The following EPB41L4A variants were observed in gnomAD, a reference collection of about 807,000 sequenced individuals.
EPB41L4A encodes band 4.1-like protein 4A.
Under a neutral mutation model 108.6 loss-of-function variants are expected in EPB41L4A, and 100 were observed. The ratio of observed to expected loss-of-function variants is 0.92; its 90% CI spans 0.78 to 1.09. EPB41L4A has a LOEUF of 1.09. EPB41L4A is among the 50% of genes least tolerant of loss of function. The pLI is 0.00. For missense variants in EPB41L4A, 1,030 were observed against 842.7 expected, an observed-to-expected ratio of 1.22 and a Z score of -2.75; for synonymous variants, 319 against 289.0, an observed-to-expected ratio of 1.10 and a Z score of -1.05.
intron 1 of EPB41L4A, among the ~76,000 whole-genome samples, chr5:112,330,763 A>C (rs1756511565): frequency 6.6e-6 from 1 of 152,140 alleles, no homozygotes. Flanking sequence ...GTTTAAAAAA[A>C]AAAAAGGATT....
intron 12 of EPB41L4A, among the ~76,000 whole-genome samples, chr5:112,151,357 T>C (rs1473626720): frequency 2.7e-5 from 4 of 149,096 alleles, no homozygotes; most frequent in Non-Finnish European, 5.9e-5. Context: ...TTGTTTTTTT[T>C]TTTATTCAAG....
intron 17 of EPB41L4A, among the ~76,000 whole-genome samples, chr5:112,185,513 AAAG>A (rs1189298212): frequency 1.3e-5 from 2 of 152,250 alleles, no homozygotes; most frequent in Non-Finnish European, 2.9e-5. Flanking sequence ...TCTCTAGATT[AAAG>A]AAGAATTGTG....
intron 1 of EPB41L4A, among the ~76,000 whole-genome samples, chr5:112,327,879 T>C (rs1485032527): frequency 6.6e-6 from 1 of 152,202 alleles, no homozygotes; most frequent in Non-Finnish European, 1.5e-5. Flanking sequence ...CAAACCATTC[T>C]TCATGTTCAC....
chr5:112,272,889 T>C (rs780826476), intron 4 of EPB41L4A, among the ~76,000 whole-genome samples: 1 of 151,858 alleles, frequency 6.6e-6, no homozygotes, highest in Non-Finnish European at 1.5e-5. Context: ...TATAAGCACG[T>C]TTATGATAGC....
chr5:112,261,895 T>A (rs1751515627), intron 7 of EPB41L4A, among the ~76,000 whole-genome samples: 1 of 149,678 alleles, frequency 6.7e-6, no homozygotes, highest in African/African-American at 2.5e-5. Flanking sequence ...ATTTTTTTTT[T>A]TTTTTTTTTT....
rs1436763996 is a variant in EPB41L4A at position 112,363,432 on chromosome 5, A to AAAG, written c.99+55508_99+55509insCTT. On this transcript the variant is annotated intron_variant, in intron 1 of 22. Coordinates refer to ENST00000261486, the MANE Select transcript of EPB41L4A (RefSeq NM_022140.5). ...CCTTGACTCTACAAAAAAAAAAAAAAAAAAATCAGCCAGGCAGGATAGGTA... is the reference window on the plus strand; with the variant it reads ...CCTTGACTCTACAAAAAAAAAAAAAAAAGAAAAATCAGCCAGGCAGGATAGGTA... 345 of 152,278 alleles carry AAAG rather than the reference A, an allele frequency of 2.3e-3. 4 individuals carry two copies. Among genetic ancestry groups the AAAG allele is most frequent in the African/African-American group, 7.7e-3 (319 of 41,414 alleles). The allele number at this position is 152,278 out of a possible 1,614,324, so 9.4% of individuals were successfully genotyped here.
intron 9 of EPB41L4A, chr5:112,249,619 C>T (rs1414703957): frequency 2.0e-5 from 3 of 152,092 alleles, no homozygotes; most frequent in Non-Finnish European, 2.9e-5. Flanking sequence ...TTCCACCTGG[C>T]TAATGAATTT....
intron 1 of EPB41L4A, among the ~76,000 whole-genome samples, chr5:112,350,020 C>A (rs1159613261): frequency 1.3e-5 from 2 of 152,156 alleles, no homozygotes; most frequent in Non-Finnish European, 2.9e-5. Flanking sequence ...CATTGCCCAA[C>A]CGAACTGTTG....
chr5:112,249,454 T>G (rs1750492314), intron 9 of EPB41L4A: 1 of 152,098 alleles, frequency 6.6e-6, no homozygotes, highest in Non-Finnish European at 1.5e-5. Flanking sequence ...TACAAAATTG[T>G]AAGTCTTTTG....
In EPB41L4A at chr5:112,382,937, G is replaced by A. The variant is rs539672855; in HGVS notation, c.99+36004C>T. On this transcript the variant is annotated intron_variant, in intron 1 of 22. Coordinates refer to ENST00000261486, the MANE Select transcript of EPB41L4A (RefSeq NM_022140.5). The stretch of plus-strand genomic sequence containing the variant: ...TGTAGCCCAGACTTGAATTGGAACT[G>A]TGTGGAAAAGGAAAAATGCTTCGGA... 9.8e-5 allele frequency among the ~76,000 whole-genome samples: 15 copies of A among 152,318 alleles called. No individual in the cohort carries two copies. In the South Asian group the frequency reaches 2.9e-3, roughly 29 times the overall value.
intron 1 of EPB41L4A, among the ~76,000 whole-genome samples, chr5:112,418,388 C>A (rs1762842161): frequency 7.9e-5 from 12 of 152,154 alleles, no homozygotes; most frequent in Admixed American, 7.9e-4. Flanking sequence ...GAGATGTTTA[C>A]TTAAATGTGA....
chr5:112,410,808 C>T (rs1013530962), intron 1 of EPB41L4A, among the ~76,000 whole-genome samples: 17 of 152,138 alleles, frequency 1.1e-4, no homozygotes, highest in African/African-American at 3.6e-4. Context: ...CAGGAGAAAG[C>T]CTTTCTCCTA....
chr5:112,161,411 T>C, downstream of EPB41L4A: 6 of 450,452 alleles, frequency 1.3e-5, no homozygotes, highest in Non-Finnish European at 2.2e-5. Context: ...GTATTGTCCG[T>C]TTTTAGGCTG....
At chr5:112,306,064 C>T (rs927327264) in intron 2 of EPB41L4A, among the ~76,000 whole-genome samples, 5 of 152,144 alleles carry the variant, frequency 3.3e-5, no homozygotes, top group African/African-American at 4.8e-5. Context: ...AGATAGAGAC[C>T]GACAAGGTCT....
intron 5 of EPB41L4A, among the ~76,000 whole-genome samples, chr5:112,265,841 T>C (rs1751811809): frequency 2.0e-5 from 3 of 152,166 alleles, no homozygotes; most frequent in Non-Finnish European, 1.5e-5. Flanking sequence ...AACCTAGCAA[T>C]AGCACCTGGC....
chr5:112,242,723 C>T (rs1429723576), intron 9 of EPB41L4A, among the ~76,000 whole-genome samples: 1 of 152,182 alleles, frequency 6.6e-6, no homozygotes, highest in Non-Finnish European at 1.5e-5. Flanking sequence ...TTTCTTAATA[C>T]TTGAAAGTTG....
intron 2 of EPB41L4A, among the ~76,000 whole-genome samples, chr5:112,282,885 T>G (rs531981475): frequency 6.6e-6 from 1 of 152,334 alleles, no homozygotes; most frequent in Non-Finnish European, 1.5e-5. Flanking sequence ...CTTTGTAATT[T>G]TTTTTCAGAT....
intron 13 of EPB41L4A, among the ~76,000 whole-genome samples, chr5:112,144,255 A>T (rs1759168219): frequency 6.6e-6 from 1 of 152,130 alleles, no homozygotes; most frequent in South Asian, 2.1e-4. Flanking sequence ...TTGCACTCTC[A>T]TAGAGCTTTT....
intron 10 of EPB41L4A, among the ~76,000 whole-genome samples, chr5:112,240,399 C>T (rs572172954): frequency 1.3e-5 from 2 of 152,330 alleles, no homozygotes; most frequent in South Asian, 2.1e-4. Context: ...ATGCACAGAA[C>T]ACTCCATTTC....
Sources: allele counts gnomAD v4.1 joint callset (sites outside exome capture counted in the v4.1 genomes callset), GRCh38; gene constraint gnomAD v4.1.1; transcripts MANE v1.5; gene names NCBI Gene and HGNC (gene_info 2026-07-23, HGNC 2026-07-21).